PLA2G5: variants seen among roughly 807,000 people sequenced by gnomAD.
PLA2G5 encodes the protein Ca2+-dependent phospholipase A2.
In PLA2G5, 12 loss-of-function variants were observed where a neutral mutation model predicts 15.9. The observed-to-expected ratio is 0.76, with a 90% CI of 0.48 to 1.23. The LOEUF is 1.23. Ranked by LOEUF, PLA2G5 falls within the 50% of genes most tolerant of loss-of-function variation. The pLI is 0.00. For synonymous variants in PLA2G5, 71 were observed against 71.4 expected (o/e 0.99, Z 0.03); for missense variants, 169 against 177.1 (o/e 0.95, Z 0.26).
At chr1:20,040,304 T>C (rs988576885) in intron 1 of PLA2G5, among the ~76,000 whole-genome samples, 1 of 152,168 alleles carries the variant, frequency 6.6e-6, no homozygotes, top group African/African-American at 2.4e-5. Context: ...TGCAAAGGGA[T>C]AAGCAATGGA....
At chr1:20,035,581 C>T (rs1231240997) in intron 1 of PLA2G5, among the ~76,000 whole-genome samples, 1 of 152,116 alleles carries the variant, frequency 6.6e-6, no homozygotes, top group Non-Finnish European at 1.5e-5. Flanking sequence ...TATCTTTTTC[C>T]ACCCCTATAC....
chr1:20,030,723 TG>T (rs1186291380), intron 1 of PLA2G5, among the ~76,000 whole-genome samples: 1 of 152,140 alleles, frequency 6.6e-6, no homozygotes, highest in Non-Finnish European at 1.5e-5. Context: ...TGCGGCCTTC[TG>T]CAGTGCACTG....
intron 1 of PLA2G5, among the ~76,000 whole-genome samples, chr1:20,084,259 G>A (rs530957310): frequency 5.3e-5 from 8 of 152,246 alleles, no homozygotes; most frequent in South Asian, 2.1e-4. Flanking sequence ...GTGTGCATCC[G>A]CCCAGCCTCT....
intron 1 of PLA2G5, among the ~76,000 whole-genome samples, chr1:20,077,533 C>T (rs1202092308): frequency 1.3e-5 from 2 of 152,128 alleles, no homozygotes; most frequent in Non-Finnish European, 2.9e-5. Flanking sequence ...AGACGCAGAG[C>T]CTACCCTCAT....
chr1:20,062,323 C>T (rs1367499314), intron 2 of PLA2G5, among the ~76,000 whole-genome samples: 1 of 152,228 alleles, frequency 6.6e-6, no homozygotes, highest in Non-Finnish European at 1.5e-5. Context: ...AAACTCCCAG[C>T]ATCTCATACT....
At chr1:20,088,634 T>G (rs140528232) in intron 3 of PLA2G5, among the ~76,000 whole-genome samples, 10 of 152,294 alleles carry the variant, frequency 6.6e-5, no homozygotes, top group African/African-American at 2.4e-4. Context: ...TCAATTATTC[T>G]GTAAACCAAG....
chr1:20,053,661 T>G (rs887001950), intron 1 of PLA2G5, among the ~76,000 whole-genome samples: 2 of 152,074 alleles, frequency 1.3e-5, no homozygotes, highest in African/African-American at 2.4e-5. Context: ...GTTTCTCACT[T>G]GTCTCTACTA....
At chr1:20,079,469 C>T (rs11573236) in intron 1 of PLA2G5, among the ~76,000 whole-genome samples, 11,639 of 152,216 alleles carry the variant, frequency 0.076, 502 homozygotes, top group Admixed American at 0.13. Context: ...TATACTTCCC[C>T]AACTGACATT....
chr1:20,038,127 C>T (rs1305057978), intron 1 of PLA2G5, among the ~76,000 whole-genome samples: 4 of 152,166 alleles, frequency 2.6e-5, no homozygotes, highest in African/African-American at 9.7e-5. Context: ...AGTTCATATC[C>T]AGGCAGCTGG....
intron 2 of PLA2G5, among the ~76,000 whole-genome samples, chr1:20,064,900 T>A (rs2014936810): frequency 6.6e-6 from 1 of 152,110 alleles, no homozygotes; most frequent in Admixed American, 6.6e-5. Flanking sequence ...CCCCCAGACC[T>A]GGTAGATCAC....
intron 1 of PLA2G5, among the ~76,000 whole-genome samples, chr1:20,074,065 G>T (rs1241511312): frequency 6.6e-6 from 1 of 152,122 alleles, no homozygotes; most frequent in African/African-American, 2.4e-5. Context: ...GGTGACCTTG[G>T]GTAGGTAGTC....
intron 1 of PLA2G5, among the ~76,000 whole-genome samples, chr1:20,039,750 A>G (rs1401502028): frequency 6.6e-6 from 1 of 152,272 alleles, no homozygotes; most frequent in Non-Finnish European, 1.5e-5. Context: ...GTATCTGTGT[A>G]TATTCCATTC....
rs2013820985 is a variant in PLA2G5 at position 20,045,071 on chromosome 1, T to G, written n.277-14561T>G. On this transcript the variant is annotated intron_variant and non_coding_transcript_variant, in intron 1 of 6. Transcript: ENST00000460175. ...GGATGGAGAAATTGAAAGTGCCATTTTCTGGTTATTTGGAACCATTGTTGA... is the reference window on the plus strand; with the variant it reads ...GGATGGAGAAATTGAAAGTGCCATTGTCTGGTTATTTGGAACCATTGTTGA... 2.0e-5 allele frequency among the ~76,000 whole-genome samples: 3 copies of G among 152,200 alleles called. No individual in the cohort carries two copies. The South Asian group carries it at 6.2e-4, about 32-fold the overall frequency.
intron 1 of PLA2G5, 130 bp from the exon 2 acceptor site, chr1:20,084,691 C>T (rs2016195536): frequency 1.1e-5 from 8 of 717,668 alleles, no homozygotes; most frequent in Non-Finnish European, 2.0e-5. Flanking sequence ...TGGCTGGACT[C>T]ATCTTGTTTA....
intron 1 of PLA2G5, among the ~76,000 whole-genome samples, chr1:20,036,995 CT>C (rs1413528006): frequency 6.6e-6 from 1 of 152,192 alleles, no homozygotes; most frequent in Non-Finnish European, 1.5e-5. Context: ...TGGTTTTCAC[CT>C]TTCTCTGGTG....
chr1:20,088,547 C>G lies in PLA2G5; in HGVS notation c.186-1242C>G, dbSNP rs958244659. On this transcript the variant is annotated intron_variant, in intron 3 of 4. Transcript: ENST00000375108. ...TATCAATAATGTATCAATATTGGTT[C>G]ATTAATTCTAACATGGGTCTCATAC... Among the ~76,000 whole-genome samples the G allele has an allele frequency of 5.3e-5, 8 of 151,082 alleles. No individual in the cohort carries two copies. In the East Asian group the frequency reaches 1.6e-3, roughly 29 times the overall value.
chr1:20,049,005 T>A (rs544102439), intron 1 of PLA2G5, among the ~76,000 whole-genome samples: 3 of 152,232 alleles, frequency 2.0e-5, no homozygotes, highest in African/African-American at 7.2e-5. Context: ...TTTTGTCGAA[T>A]TCAAAGCTTA....
chr1:20,029,798 GT>G (rs2012815233), intron 1 of PLA2G5, among the ~76,000 whole-genome samples: 1 of 152,200 alleles, frequency 6.6e-6, no homozygotes, highest in African/African-American at 2.4e-5. Context: ...AACCTGAATA[GT>G]TTGGTTGTTA....
chr1:20,043,185 A>AG (rs2013712651), intron 1 of PLA2G5, among the ~76,000 whole-genome samples: 1 of 152,116 alleles, frequency 6.6e-6, no homozygotes. Flanking sequence ...AGAATGGAAT[A>AG]GTGAGTTGTG....
Sources: allele counts gnomAD v4.1 joint callset (sites outside exome capture counted in the v4.1 genomes callset), GRCh38; gene constraint gnomAD v4.1.1; transcripts MANE v1.5; gene names NCBI Gene and HGNC (gene_info 2026-07-23, HGNC 2026-07-21).